CREB3L2: variants seen among roughly 807,000 people sequenced by gnomAD.
CREB3L2 encodes the protein cAMP responsive element binding protein 3 like 2.
A neutral mutation model predicts 57.2 loss-of-function variants in CREB3L2; 23 were observed. That is an observed-to-expected ratio of 0.40 (90% confidence interval 0.29 to 0.57). CREB3L2 has a LOEUF of 0.57. Ranked by LOEUF, CREB3L2 falls within the 20% of genes least tolerant of loss-of-function variation. CREB3L2 has a pLI of 0.42. For missense variants in CREB3L2, 628 were observed against 634.7 expected, an observed-to-expected ratio of 0.99 and a Z score of 0.11; for synonymous variants, 268 against 265.1, an observed-to-expected ratio of 1.01 and a Z score of -0.11.
intron 1 of CREB3L2, among the ~76,000 whole-genome samples, chr7:137,991,907 C>CAAAA (rs5887864): frequency 7.3e-6 from 1 of 136,672 alleles, no homozygotes. Flanking sequence ...GACTCTGCCT[C>CAAAA]AAAAAAAAAA....
intron 1 of CREB3L2, among the ~76,000 whole-genome samples, chr7:137,970,438 A>G (rs911592281): frequency 1.3e-5 from 2 of 152,242 alleles, no homozygotes; most frequent in Non-Finnish European, 2.9e-5. Context: ...GTATCTTTTA[A>G]CGAGAGAATG....
At chr7:137,898,269 G>A (rs1799668030) in intron 8 of CREB3L2, among the ~76,000 whole-genome samples, 1 of 152,180 alleles carries the variant, frequency 6.6e-6, no homozygotes, top group South Asian at 2.1e-4. Flanking sequence ...AAAAGTGTTG[G>A]CAATGGTGTG....
At chr7:137,904,524 C>G (rs894274632) in intron 6 of CREB3L2, among the ~76,000 whole-genome samples, 1 of 152,032 alleles carries the variant, frequency 6.6e-6, no homozygotes, top group Non-Finnish European at 1.5e-5. Flanking sequence ...ATTAGCTGGG[C>G]GCGGTGGTGC....
At chr7:137,965,338 C>T (rs1166070156) in intron 1 of CREB3L2, among the ~76,000 whole-genome samples, 1 of 152,184 alleles carries the variant, frequency 6.6e-6, no homozygotes. Flanking sequence ...AATATATTTA[C>T]ACTCGTTGAG....
intron 9 of CREB3L2, 136 bp downstream of exon 9, chr7:137,885,267 G>C (rs1434554266): frequency 8.4e-7 from 1 of 1,185,906 alleles, no homozygotes; most frequent in Admixed American, 2.2e-5. Flanking sequence ...GTGCCTCACC[G>C]AGGAACAGCC....
At chr7:137,970,071 C>T (rs370653858) in intron 1 of CREB3L2, among the ~76,000 whole-genome samples, 8 of 152,288 alleles carry the variant, frequency 5.3e-5, no homozygotes, top group East Asian at 3.9e-4. Context: ...TCATCCAGCT[C>T]TGGAGTCAGG....
At chr7:137,918,264 C>T (rs1021246668) in intron 2 of CREB3L2, among the ~76,000 whole-genome samples, 4 of 152,148 alleles carry the variant, frequency 2.6e-5, no homozygotes, top group African/African-American at 7.2e-5. Context: ...CATCTCGGCT[C>T]GCTGCAAACT....
intron 1 of CREB3L2, among the ~76,000 whole-genome samples, chr7:137,995,995 T>G (rs565421489): frequency 6.6e-6 from 1 of 152,306 alleles, no homozygotes; most frequent in East Asian, 1.9e-4. Flanking sequence ...AGGGAAATCC[T>G]CTAGATCATA....
intron 11 of CREB3L2, among the ~76,000 whole-genome samples, chr7:137,881,175 C>T (rs1199552316): frequency 1.3e-5 from 2 of 152,086 alleles, no homozygotes; most frequent in Non-Finnish European, 2.9e-5. Flanking sequence ...ACTGGGTCTT[C>T]TAGAGATCCC....
At chr7:137,900,518 G>A (rs935408751) in intron 8 of CREB3L2, among the ~76,000 whole-genome samples, 5 of 152,072 alleles carry the variant, frequency 3.3e-5, no homozygotes, top group South Asian at 2.1e-4. Flanking sequence ...ATTTGCAGCC[G>A]GAGCAGTGGC....
chr7:137,953,273 G>A (rs1342886550), intron 1 of CREB3L2: 3 of 365,420 alleles, frequency 8.2e-6, no homozygotes, highest in Non-Finnish European at 1.6e-5. Context: ...AGTGGGATTA[G>A]CTCCCGGTGG....
chr7:137,939,492 CAG>C (rs1800846671), intron 1 of CREB3L2, among the ~76,000 whole-genome samples: 2 of 152,226 alleles, frequency 1.3e-5, no homozygotes, highest in Admixed American at 6.5e-5. Context: ...TTAGAGCAGA[CAG>C]AGCTGTTCCA....
intron 1 of CREB3L2, among the ~76,000 whole-genome samples, chr7:137,966,812 T>A (rs1454324664): frequency 6.6e-6 from 1 of 152,144 alleles, no homozygotes; most frequent in Non-Finnish European, 1.5e-5. Context: ...AGCCGCATAC[T>A]CCTCAAGGTA....
At chr7:137,949,246 T>C (rs949519877) in intron 1 of CREB3L2, among the ~76,000 whole-genome samples, 3 of 152,360 alleles carry the variant, frequency 2.0e-5, no homozygotes, top group Admixed American at 6.5e-5. Flanking sequence ...ACAGTGAGGC[T>C]GATACGGACC....
chr7:137,885,097 C>T lies in CREB3L2; in HGVS notation c.1168G>A (p.Ala390Thr), dbSNP rs766246045. The T allele has an allele frequency of 1.2e-6, 2 of 1,614,134 alleles. No homozygotes were observed. The highest frequency in any genetic ancestry group is 1.7e-5 in the Admixed American group (1 of 60,020). The change falls in exon 10 of 12, where the codon GCA becomes ACA. Residue 390 changes from alanine to threonine, a missense_variant. Coordinates refer to ENST00000330387, the MANE Select transcript of CREB3L2 (RefSeq NM_194071.4). ...LMVVVLCFAV[A>T]FGSFFQGYGP... ...TAGCCTTGAAAGAAGCTGCCGAATG[C>T]AACGGCAAAGCACAGCACCACAACC...
intron 1 of CREB3L2, among the ~76,000 whole-genome samples, chr7:137,969,786 A>ACACACACACACACACACC (rs1801475425): frequency 7.0e-6 from 1 of 143,342 alleles, no homozygotes; most frequent in African/African-American, 2.5e-5. Flanking sequence ...ACACACACAC[A>ACACACACACACACACACC]CACACACAAC....
At chr7:137,948,612 T>C (rs572048364) in intron 1 of CREB3L2, among the ~76,000 whole-genome samples, 1 of 152,296 alleles carries the variant, frequency 6.6e-6, no homozygotes, top group South Asian at 2.1e-4. Context: ...AAGGTAAATA[T>C]TAGCATTTAA....
intron 1 of CREB3L2, among the ~76,000 whole-genome samples, chr7:137,961,642 C>A (rs186588996): frequency 6.6e-6 from 1 of 152,302 alleles, no homozygotes; most frequent in Non-Finnish European, 1.5e-5. Context: ...CTCCCCATTT[C>A]TATGCCAGAC....
intron 1 of CREB3L2, among the ~76,000 whole-genome samples, chr7:137,968,516 C>A (rs936004482): frequency 3.3e-5 from 5 of 152,206 alleles, no homozygotes; most frequent in Non-Finnish European, 5.9e-5. Flanking sequence ...TAGCTTCATG[C>A]ATGTCCCTGC....
Sources: allele counts gnomAD v4.1 joint callset (sites outside exome capture counted in the v4.1 genomes callset), GRCh38; gene constraint gnomAD v4.1.1; transcripts MANE v1.5; gene names NCBI Gene and HGNC (gene_info 2026-07-23, HGNC 2026-07-21).